SLC66A3: variants seen among roughly 807,000 people sequenced by gnomAD.
The protein encoded by SLC66A3 is solute carrier family 66 member 3.
SLC66A3 carries 23 observed loss-of-function variants against 25.5 expected under a neutral mutation model. The ratio of observed to expected loss-of-function variants is 0.90; its 90% CI spans 0.65 to 1.28. The LOEUF (loss-of-function observed/expected upper bound fraction) is 1.28, where lower values mean the gene tolerates loss of function less well. Among genes scored for constraint, SLC66A3 ranks in the 50% most tolerant of loss-of-function variants. The pLI is 0.00. For missense variants in SLC66A3, 246 were observed against 262.1 expected (o/e 0.94, Z 0.42); for synonymous variants, 108 against 112.6 (o/e 0.96, Z 0.26).
chr2:11,168,153 C>T (rs1221543597), intron 4 of SLC66A3, among the ~76,000 whole-genome samples: 8 of 151,792 alleles, frequency 5.3e-5, no homozygotes, highest in African/African-American at 9.7e-5. Flanking sequence ...GGTGTGGTGG[C>T]GGGCACCTGT....
chr2:11,170,806 G>C (rs1662523849), intron 4 of SLC66A3, among the ~76,000 whole-genome samples: 1 of 151,638 alleles, frequency 6.6e-6, no homozygotes, highest in African/African-American at 2.4e-5. Flanking sequence ...GGCCAGGCTG[G>C]TCTCAAACTC....
chr2:11,160,903 G>C, intron 3 of SLC66A3: 1 of 791,670 alleles, frequency 1.3e-6, no homozygotes, highest in Non-Finnish European at 1.9e-6. Flanking sequence ...GCATGCCCTG[G>C]GCGGTGCCAG....
intron 4 of SLC66A3, among the ~76,000 whole-genome samples, chr2:11,168,258 C>A (rs561350863): frequency 1.3e-5 from 2 of 151,364 alleles, no homozygotes; most frequent in African/African-American, 4.9e-5. Flanking sequence ...GCACTCCAGC[C>A]TGGGTGACAG....
At chr2:11,162,867 A>G (rs902917610) in intron 3 of SLC66A3, among the ~76,000 whole-genome samples, 4 of 152,152 alleles carry the variant, frequency 2.6e-5, no homozygotes, top group African/African-American at 9.7e-5. Flanking sequence ...CAGCCTCCCA[A>G]AGTGCTGGGA....
intron 1 of SLC66A3, among the ~76,000 whole-genome samples, chr2:11,158,248 T>C (rs1182454395): frequency 1.3e-5 from 2 of 152,234 alleles, no homozygotes; most frequent in East Asian, 3.8e-4. Flanking sequence ...ACAGGCATGG[T>C]GGCTCATGCC....
rs764281381 is a variant in SLC66A3, at chr2:11,171,953, G to GT, written c.384dup (p.Lys129Ter). ...CTATGTACTTTCATCAGCGCGGCCAGTAAGTTTGCACAGCTCCAGTGTCTG... is the reference window on the plus strand; with the variant it reads ...CTATGTACTTTCATCAGCGCGGCCAGTTAAGTTTGCACAGCTCCAGTGTCTG... On this transcript the variant is annotated frameshift_variant, in exon 5 of 7. Coordinates refer to ENST00000295083, the MANE Select transcript of SLC66A3 (RefSeq NM_152391.5). LOFTEE classifies it high-confidence loss of function. 10 of 1,613,962 alleles carry GT rather than the reference G, an allele frequency of 6.2e-6. No homozygotes were observed. In the East Asian group the frequency reaches 2.2e-4, roughly 36 times the overall value.
chr2:11,176,559 C>G (rs1381703286), intron 6 of SLC66A3, among the ~76,000 whole-genome samples: 3 of 90,456 alleles, frequency 3.3e-5, no homozygotes, highest in Non-Finnish European at 4.3e-5. Context: ...GACGGAGTCT[C>G]GCTCTGTCGC....
intron 3 of SLC66A3, 117 bp from the exon 4 acceptor site, chr2:11,164,087 C>G: frequency 1.6e-6 from 1 of 611,114 alleles, no homozygotes; most frequent in Non-Finnish European, 2.9e-6. Flanking sequence ...CATGTCCTCC[C>G]CTCCCACCCA....
chr2:11,173,994 G>T (rs1248663342), intron 5 of SLC66A3, among the ~76,000 whole-genome samples: 5 of 152,112 alleles, frequency 3.3e-5, no homozygotes, highest in Admixed American at 6.5e-5. Context: ...TCGCTCTTTC[G>T]CTTAGGCTGG....
intron 5 of SLC66A3, among the ~76,000 whole-genome samples, chr2:11,173,977 CAG>C (rs1326558321): frequency 1.3e-5 from 2 of 152,162 alleles, no homozygotes; most frequent in Admixed American, 6.5e-5. Flanking sequence ...TTTTTTGAGA[CAG>C]AGTTTCGCTC....
In SLC66A3 at chr2:11,158,531, T is replaced by G. The variant is rs181521039; in HGVS notation, c.144-1935T>G. On this transcript the variant is annotated intron_variant, in intron 1 of 6. Coordinates refer to ENST00000295083, the MANE Select transcript of SLC66A3 (RefSeq NM_152391.5). ...CAAAAAATTAGCTGGGCGTGGTGGC[T>G]GGCGCCTGTAGTCCCAGCTACTTGG... 3.8e-3 allele frequency among the ~76,000 whole-genome samples: 578 copies of G among 152,294 alleles called. 2 individuals carry two copies. Among genetic ancestry groups the G allele is most frequent in the African/African-American group, 0.012 (488 of 41,560 alleles).
chr2:11,171,668 A>G (rs1340293985), intron 4 of SLC66A3, among the ~76,000 whole-genome samples: 3 of 152,014 alleles, frequency 2.0e-5, no homozygotes, highest in Non-Finnish European at 4.4e-5. Flanking sequence ...TCCCGGGTTC[A>G]TGCCATTCTC....
chr2:11,170,814 C>G (rs1662524206), intron 4 of SLC66A3, among the ~76,000 whole-genome samples: 1 of 151,392 alleles, frequency 6.6e-6, no homozygotes. Context: ...TGGTCTCAAA[C>G]TCCTGACCTT....
chr2:11,164,327 T>TTTTATA (rs1553289085), intron 4 of SLC66A3, 66 bp downstream of exon 4: 1 of 175,462 alleles, frequency 5.7e-6, no homozygotes. Context: ...TGATAGATAT[T>TTTTATA]TATATATATA....
chr2:11,169,736 C>A (rs1255416852), intron 4 of SLC66A3, among the ~76,000 whole-genome samples: 1 of 152,110 alleles, frequency 6.6e-6, no homozygotes, highest in African/African-American at 2.4e-5. Context: ...CACCCTGCCC[C>A]TCTCCCACCT....
At chr2:11,170,013 G>A (rs1415807510) in intron 4 of SLC66A3, among the ~76,000 whole-genome samples, 2 of 151,494 alleles carry the variant, frequency 1.3e-5, no homozygotes, top group African/African-American at 2.4e-5. Flanking sequence ...TAATTTTTGT[G>A]TTTTTAGTAG....
At chr2:11,169,349 G>A (rs973808926) in intron 4 of SLC66A3, among the ~76,000 whole-genome samples, 3 of 152,200 alleles carry the variant, frequency 2.0e-5, no homozygotes, top group East Asian at 1.9e-4. Flanking sequence ...GAAACAGACC[G>A]AGTGTTCCCC....
At chr2:11,156,066 CA>C (rs1273084043) in intron 1 of SLC66A3, among the ~76,000 whole-genome samples, 1 of 152,232 alleles carries the variant, frequency 6.6e-6, no homozygotes, top group African/African-American at 2.4e-5. Context: ...CACGCACCGT[CA>C]ACCTCGTTCT....
chr2:11,176,614 C>T (rs866308245), intron 6 of SLC66A3, among the ~76,000 whole-genome samples: 2 of 138,076 alleles, frequency 1.4e-5, no homozygotes, highest in Admixed American at 7.6e-5. Flanking sequence ...CTGCAAGCTC[C>T]GCCTCCCGGG....
Sources: allele counts gnomAD v4.1 joint callset (sites outside exome capture counted in the v4.1 genomes callset), GRCh38; gene constraint gnomAD v4.1.1; transcripts MANE v1.5; gene names NCBI Gene and HGNC (gene_info 2026-07-23, HGNC 2026-07-21).